GALNT17: variants seen among roughly 807,000 people sequenced by gnomAD.
GALNT17 encodes polypeptide N-acetylgalactosaminyltransferase 17, also known as UDP-GalNAc:polypeptide N-acetylgalactosaminyltransferase-like 3.
A neutral mutation model predicts 63.7 loss-of-function variants in GALNT17; 29 were observed. The observed-to-expected ratio is 0.46, with a 90% CI of 0.34 to 0.62. GALNT17 has a LOEUF of 0.62. Ranked by LOEUF, GALNT17 falls within the 20% of genes least tolerant of loss-of-function variation. GALNT17 has a pLI of 0.01. For missense variants in GALNT17, 603 were observed against 799.6 expected (o/e 0.75, Z 2.97); for synonymous variants, 305 against 318.3 (o/e 0.96, Z 0.45).
chr7:71,545,141 C>T (rs1217157326), intron 5 of GALNT17, among the ~76,000 whole-genome samples: 1 of 152,026 alleles, frequency 6.6e-6, no homozygotes, highest in Non-Finnish European at 1.5e-5. Context: ...TCTCATTGAA[C>T]TTATCTCTCG....
At chr7:71,459,198 A>G (rs1366175009) in intron 5 of GALNT17, among the ~76,000 whole-genome samples, 1 of 152,212 alleles carries the variant, frequency 6.6e-6, no homozygotes, top group East Asian at 1.9e-4. Flanking sequence ...TAGGTTCAGA[A>G]TGACTCTGGG....
At chr7:71,603,960 A>G (rs1256413523) in intron 6 of GALNT17, among the ~76,000 whole-genome samples, 1 of 123,308 alleles carries the variant, frequency 8.1e-6, no homozygotes, top group Non-Finnish European at 2.0e-5. Flanking sequence ...TACAGTGAAT[A>G]CCATGCTAAG....
At chr7:71,663,520 A>C (rs2117041916) in intron 6 of GALNT17, among the ~76,000 whole-genome samples, 1 of 152,308 alleles carries the variant, frequency 6.6e-6, no homozygotes, top group South Asian at 2.1e-4. Flanking sequence ...AGCTGGGTCT[A>C]ACCTAACATG....
intron 1 of GALNT17, among the ~76,000 whole-genome samples, chr7:71,252,333 T>A (rs901815439): frequency 6.6e-6 from 1 of 151,736 alleles, no homozygotes; most frequent in African/African-American, 2.4e-5. Context: ...GAGACCAGCC[T>A]GGCCAACATG....
At chr7:71,651,787 C>G (rs1584113592) in intron 6 of GALNT17, among the ~76,000 whole-genome samples, 2 of 152,314 alleles carry the variant, frequency 1.3e-5, no homozygotes, top group East Asian at 3.9e-4. Context: ...TCATAGCTCA[C>G]TGCAGCTTCA....
chr7:71,469,748 G>A (rs1787597061), intron 5 of GALNT17, among the ~76,000 whole-genome samples: 1 of 152,182 alleles, frequency 6.6e-6, no homozygotes, highest in African/African-American at 2.4e-5. Flanking sequence ...AAATATGTAA[G>A]GAGGTAGCTT....
intron 1 of GALNT17, among the ~76,000 whole-genome samples, chr7:71,288,140 C>T (rs953620605): frequency 1.2e-4 from 16 of 136,594 alleles, no homozygotes; most frequent in African/African-American, 3.0e-4. Context: ...CACTTGAACC[C>T]GTGGGGTGGA....
chr7:71,310,750 G>A (rs1791401571), intron 1 of GALNT17, among the ~76,000 whole-genome samples: 2 of 152,144 alleles, frequency 1.3e-5, no homozygotes, highest in Admixed American at 1.3e-4. Flanking sequence ...CCTTTCTATT[G>A]GCCCTACCAG....
At chr7:71,258,741 C>A (rs974697896) in intron 1 of GALNT17, among the ~76,000 whole-genome samples, 1 of 151,290 alleles carries the variant, frequency 6.6e-6, no homozygotes. Context: ...CAAATAAACA[C>A]AGTAAGAGAG....
chr7:71,158,827 G>A (rs10253938), intron 1 of GALNT17, among the ~76,000 whole-genome samples: 13,316 of 151,296 alleles, frequency 0.088, 948 homozygotes, highest in African/African-American at 0.16. Flanking sequence ...CACCCACCTC[G>A]GCCTCCCAAA....
intron 6 of GALNT17, among the ~76,000 whole-genome samples, chr7:71,620,580 CA>C (rs896560228): frequency 1.3e-5 from 2 of 151,944 alleles, no homozygotes; most frequent in Admixed American, 6.6e-5. Context: ...TTGGAATTAA[CA>C]AAAAAAGGCA....
intron 5 of GALNT17, among the ~76,000 whole-genome samples, chr7:71,518,739 C>G (rs139475721): frequency 6.6e-6 from 1 of 152,150 alleles, no homozygotes; most frequent in Non-Finnish European, 1.5e-5. Flanking sequence ...TTTTAAAAAA[C>G]CCACTGCCAG....
chr7:71,219,299 G>T (rs1340874470), intron 1 of GALNT17, among the ~76,000 whole-genome samples: 1 of 152,150 alleles, frequency 6.6e-6, no homozygotes, highest in Non-Finnish European at 1.5e-5. Context: ...AAGAGCCCAA[G>T]AACCAGCCTC....
intron 2 of GALNT17, among the ~76,000 whole-genome samples, chr7:71,387,323 T>C (rs939035032): frequency 6.6e-6 from 1 of 151,254 alleles, no homozygotes; most frequent in Admixed American, 6.6e-5. Flanking sequence ...CTGGTGTTCT[T>C]TTTTTGGGGG....
intron 3 of GALNT17, among the ~76,000 whole-genome samples, chr7:71,411,776 G>A (rs929365446): frequency 1.4e-4 from 21 of 152,208 alleles, no homozygotes; most frequent in African/African-American, 3.9e-4. Context: ...CTTGATCAAC[G>A]GACCATTCTC....
Position 71,279,153 on chromosome 7 carries a change from T to G in GALNT17, c.239-56397T>G, listed in dbSNP as rs570421116. Among the ~76,000 whole-genome samples, 8 of 151,982 alleles carry G rather than the reference T, an allele frequency of 5.3e-5. No individual in the cohort carries two copies. The East Asian group carries it at 1.6e-3, about 30-fold the overall frequency. ...TTGGCCAGGATGGTCTCGATCTCCT[T>G]ACCTCGTGATCTGCCCGCCTTGGCC... is the stretch of plus-strand genomic sequence containing the variant. On this transcript the variant is annotated intron_variant, in intron 1 of 10. Coordinates refer to ENST00000333538, the MANE Select transcript of GALNT17 (RefSeq NM_022479.3).
In GALNT17 at chr7:71,646,412, G is replaced by T. The variant is rs576484410; in HGVS notation, c.1081-18999G>T. On this transcript the variant is annotated intron_variant, in intron 6 of 10. Coordinates refer to ENST00000333538, the MANE Select transcript of GALNT17 (RefSeq NM_022479.3). ...TGGAGCACCAGCAGCCCCAGCCACA[G>T]GCCACCACCTTCCTCTGGGACTCAG... 2.0e-4 allele frequency among the ~76,000 whole-genome samples: 30 copies of T among 152,296 alleles called. No homozygotes were observed. The South Asian group carries it at 6.2e-3, about 32-fold the overall frequency.
intron 6 of GALNT17, among the ~76,000 whole-genome samples, chr7:71,660,284 C>T (rs1360259636): frequency 6.6e-6 from 1 of 152,168 alleles, no homozygotes; most frequent in Non-Finnish European, 1.5e-5. Flanking sequence ...TTCTTTGCCT[C>T]CAGGACTGGT....
At position 71,633,520 on chromosome 7, in the gene GALNT17, C is replaced by T. The variant is rs892824837; in HGVS notation, c.1081-31891C>T. ...AGGGAGTGTTAAAGGGAAATGTGGC[C>T]GAGGAAATGAATGCGGCTGTCAGTA... On this transcript the variant is annotated intron_variant, in intron 6 of 10. Transcript: ENST00000333538. Among the ~76,000 whole-genome samples the T allele has an allele frequency of 1.8e-4, 28 of 151,996 alleles. 1 individual carries two copies. The highest frequency in any genetic ancestry group is 1.8e-3 in the Admixed American group (27 of 15,266).
Sources: allele counts gnomAD v4.1 joint callset (sites outside exome capture counted in the v4.1 genomes callset), GRCh38; gene constraint gnomAD v4.1.1; transcripts MANE v1.5; gene names NCBI Gene and HGNC (gene_info 2026-07-23, HGNC 2026-07-21).